EHBP1: variants seen among roughly 807,000 people sequenced by gnomAD.
EHBP1 encodes EH domain binding protein 1.
EHBP1 carries 55 observed loss-of-function variants against 144.0 expected under a neutral mutation model. The ratio of observed to expected loss-of-function variants is 0.38; its 90% CI spans 0.31 to 0.48. The LOEUF is 0.48. EHBP1 is among the 20% of genes least tolerant of loss of function. The pLI, the probability that EHBP1 is intolerant of heterozygous loss-of-function variation, is 0.98. For synonymous variants in EHBP1, 469 were observed against 472.7 expected (o/e 0.99, Z 0.10); for missense variants, 1,200 against 1,364.2 (o/e 0.88, Z 1.90).
At chr2:62,859,602 A>G (rs1243696848) in intron 8 of EHBP1, among the ~76,000 whole-genome samples, 1 of 152,168 alleles carries the variant, frequency 6.6e-6, no homozygotes, top group Non-Finnish European at 1.5e-5. Flanking sequence ...TAGCTTCTCT[A>G]TATGGATCAT....
At chr2:62,865,011 C>G (rs1186909997) in intron 9 of EHBP1, 40 bp downstream of exon 9, 7 of 1,598,448 alleles carry the variant, frequency 4.4e-6, no homozygotes, top group Non-Finnish European at 5.1e-6. Flanking sequence ...AAGTTAGTCT[C>G]TATGTTACCT....
At chr2:62,747,553 G>T (rs1033225998) in intron 3 of EHBP1, 101 bp downstream of exon 3, 23 of 873,948 alleles carry the variant, frequency 2.6e-5, no homozygotes, top group South Asian at 1.1e-4. Context: ...TTGATGTTTT[G>T]TTTTTTTTTC....
chr2:63,025,860 G>A (rs1211885461), intron 19 of EHBP1, among the ~76,000 whole-genome samples: 2 of 152,130 alleles, frequency 1.3e-5, no homozygotes, highest in Non-Finnish European at 2.9e-5. Flanking sequence ...GAACAAAATG[G>A]CAATTAGCAC....
At chr2:62,936,450 C>G (rs1031084278) in intron 10 of EHBP1, among the ~76,000 whole-genome samples, 3 of 152,016 alleles carry the variant, frequency 2.0e-5, no homozygotes, top group African/African-American at 7.2e-5. Context: ...TGCTTAGGTA[C>G]TATATTATTA....
At chr2:62,849,786 C>A (rs2048552147) in intron 7 of EHBP1, among the ~76,000 whole-genome samples, 1 of 152,116 alleles carries the variant, frequency 6.6e-6, no homozygotes, top group Non-Finnish European at 1.5e-5. Context: ...ACGAACATGA[C>A]ATAGTAGCAC....
chr2:62,778,265 C>T (rs1315444379), intron 5 of EHBP1, among the ~76,000 whole-genome samples: 1 of 151,992 alleles, frequency 6.6e-6, no homozygotes, highest in Non-Finnish European at 1.5e-5. Context: ...GATGGCTGGA[C>T]CTGGTAGCAC....
At chr2:62,734,205 T>C (rs1055428976) in intron 2 of EHBP1, among the ~76,000 whole-genome samples, 1 of 152,156 alleles carries the variant, frequency 6.6e-6, no homozygotes, top group African/African-American at 2.4e-5. Flanking sequence ...ATGCCTTTTT[T>C]TTTGAATATA....
intron 7 of EHBP1, among the ~76,000 whole-genome samples, chr2:62,842,798 A>G (rs1023774456): frequency 2.6e-5 from 4 of 152,170 alleles, no homozygotes; most frequent in Non-Finnish European, 4.4e-5. Context: ...TTAAGTAGGA[A>G]TTTTTAAAGC....
chr2:62,809,374 T>C (rs1055385119), intron 5 of EHBP1, among the ~76,000 whole-genome samples: 21 of 148,706 alleles, frequency 1.4e-4, no homozygotes, highest in African/African-American at 5.2e-4. Context: ...CTCCCCCAAC[T>C]GGAAGCCCAA....
chr2:62,748,605 A>T (rs1156645291), intron 3 of EHBP1, among the ~76,000 whole-genome samples: 1 of 152,104 alleles, frequency 6.6e-6, no homozygotes, highest in Non-Finnish European at 1.5e-5. Context: ...AGCTTTATTG[A>T]GCTAAGATTG....
intron 3 of EHBP1, among the ~76,000 whole-genome samples, chr2:62,756,768 C>CAAAAAAAAAA (rs34717027): frequency 1.2e-4 from 9 of 76,598 alleles, no homozygotes; most frequent in Non-Finnish European, 2.1e-4. Context: ...AACTCTATCT[C>CAAAAAAAAAA]AAAAAAAAAA....
intron 19 of EHBP1, among the ~76,000 whole-genome samples, chr2:63,014,428 A>C: frequency 6.6e-6 from 1 of 152,230 alleles, no homozygotes. Flanking sequence ...GGCATATTAC[A>C]TACTTGTTTA....
intron 14 of EHBP1, among the ~76,000 whole-genome samples, chr2:62,973,087 G>T (rs1289127372): frequency 2.0e-5 from 3 of 152,140 alleles, no homozygotes; most frequent in Admixed American, 2.0e-4. Context: ...ACTTTAAATT[G>T]CACTCTTGGT....
intron 2 of EHBP1, among the ~76,000 whole-genome samples, chr2:62,714,227 GAAAA>G (rs1012255341): frequency 6.6e-6 from 1 of 151,926 alleles, no homozygotes; most frequent in Non-Finnish European, 1.5e-5. Context: ...CTCTTAAAAA[GAAAA>G]AAAGAAAGAA....
At chr2:62,956,568 G>A (rs1335026150) in intron 14 of EHBP1, among the ~76,000 whole-genome samples, 4 of 151,868 alleles carry the variant, frequency 2.6e-5, no homozygotes, top group African/African-American at 9.7e-5. Context: ...ACCACTGCAG[G>A]GCTAGGCATG....
intron 7 of EHBP1, among the ~76,000 whole-genome samples, chr2:62,844,022 T>G (rs976877891): frequency 6.6e-6 from 1 of 152,222 alleles, no homozygotes; most frequent in South Asian, 2.1e-4. Context: ...AAAGTGCAAT[T>G]GCATTATATC....
chr2:62,999,506 C>T (rs145690725), intron 19 of EHBP1, among the ~76,000 whole-genome samples: 3 of 152,144 alleles, frequency 2.0e-5, no homozygotes, highest in Admixed American at 6.6e-5. Flanking sequence ...TCCCCCAATC[C>T]CCTGGGAATC....
intron 6 of EHBP1, among the ~76,000 whole-genome samples, chr2:62,829,940 A>G (rs927322785): frequency 3.3e-5 from 5 of 150,966 alleles, no homozygotes; most frequent in Admixed American, 6.6e-5. Flanking sequence ...GAGATTCCTT[A>G]AAGAGTTAAA....
At chr2:62,890,931 G>T (rs138854587) in intron 10 of EHBP1, among the ~76,000 whole-genome samples, 1,879 of 152,278 alleles carry the variant, frequency 0.012, 50 homozygotes, top group African/African-American at 0.043. Context: ...CTGTAATCCA[G>T]CACTTTGGGA....
Sources: allele counts gnomAD v4.1 joint callset (sites outside exome capture counted in the v4.1 genomes callset), GRCh38; gene constraint gnomAD v4.1.1; transcripts MANE v1.5; gene names NCBI Gene and HGNC (gene_info 2026-07-23, HGNC 2026-07-21).